The following FBXL13 variants were observed in gnomAD, a reference collection of about 807,000 sequenced individuals.
FBXL13 encodes F-box and leucine rich repeat protein 13.
FBXL13 carries 67 observed loss-of-function variants against 83.6 expected under a neutral mutation model. The ratio of observed to expected loss-of-function variants is 0.80; its 90% CI spans 0.66 to 0.98. The LOEUF is 0.98. Among genes scored for constraint, FBXL13 ranks in the 50% least tolerant of loss-of-function variants. The pLI, the probability that FBXL13 is intolerant of heterozygous loss-of-function variation, is 0.00. For synonymous variants in FBXL13, 272 were observed against 299.5 expected, an observed-to-expected ratio of 0.91 and a Z score of 0.95; for missense variants, 822 against 866.5, an observed-to-expected ratio of 0.95 and a Z score of 0.64.
At chr7:103,003,277 G>GT (rs1239422520) in intron 6 of FBXL13, among the ~76,000 whole-genome samples, 2 of 119,480 alleles carry the variant, frequency 1.7e-5, no homozygotes, top group Admixed American at 8.4e-5. Flanking sequence ...GTTGTTTTGG[G>GT]GTTTTTTTTT....
intron 16 of FBXL13, among the ~76,000 whole-genome samples, chr7:102,861,111 C>T (rs187718802): frequency 3.2e-4 from 48 of 151,940 alleles, no homozygotes; most frequent in African/African-American, 1.1e-3. Flanking sequence ...TTAGGAATAA[C>T]GACATTTTCC....
intron 19 of FBXL13, among the ~76,000 whole-genome samples, chr7:102,819,297 G>A (rs1798468731): frequency 6.6e-6 from 1 of 151,954 alleles, no homozygotes; most frequent in African/African-American, 2.4e-5. Context: ...ATTCCTCCTT[G>A]AAATAAAGGA....
chr7:102,815,575 T>C (rs572622226), intron 19 of FBXL13, among the ~76,000 whole-genome samples: 1 of 152,270 alleles, frequency 6.6e-6, no homozygotes, highest in African/African-American at 2.4e-5. Context: ...TTCATAATCA[T>C]TCAATGCCAC....
At chr7:102,908,459 T>C (rs370768305) in intron 11 of FBXL13, among the ~76,000 whole-genome samples, 6 of 152,242 alleles carry the variant, frequency 3.9e-5, no homozygotes, top group East Asian at 1.9e-4. Context: ...CTGGATGGTA[T>C]TGATGCCAGT....
At chr7:103,024,528 C>CAAAAA (rs11318355) in intron 6 of FBXL13, among the ~76,000 whole-genome samples, 2 of 46,766 alleles carry the variant, frequency 4.3e-5, no homozygotes, top group Admixed American at 3.3e-4. Flanking sequence ...AACTCCATCT[C>CAAAAA]AAAAAAAAAA....
At chr7:103,058,614 T>C (rs1797566408) in intron 1 of FBXL13, among the ~76,000 whole-genome samples, 2 of 152,216 alleles carry the variant, frequency 1.3e-5, no homozygotes. Flanking sequence ...CATCTTATTC[T>C]GGCACCCTGA....
intron 2 of FBXL13, among the ~76,000 whole-genome samples, chr7:103,041,733 C>A (rs1465797659): frequency 6.6e-6 from 1 of 152,180 alleles, no homozygotes; most frequent in Non-Finnish European, 1.5e-5. Flanking sequence ...ACATGATTAT[C>A]TCAATAGATG....
At chr7:102,841,181 C>A (rs1229566338) in intron 17 of FBXL13, among the ~76,000 whole-genome samples, 1 of 150,966 alleles carries the variant, frequency 6.6e-6, no homozygotes, top group Non-Finnish European at 1.5e-5. Context: ...GTTTAAAAAA[C>A]AAAAGAAGCA....
chr7:102,821,733 G>A (rs79633822), intron 19 of FBXL13, among the ~76,000 whole-genome samples: 2,282 of 152,222 alleles, frequency 0.015, 51 homozygotes, highest in African/African-American at 0.051. Context: ...ATGCTCTAGG[G>A]GAGATTAACT....
intron 17 of FBXL13, among the ~76,000 whole-genome samples, chr7:102,854,019 G>A (rs958704685): frequency 3.9e-5 from 6 of 152,108 alleles, no homozygotes; most frequent in African/African-American, 1.4e-4. Flanking sequence ...TCCCATTACT[G>A]GGTATATACC....
chr7:102,943,210 T>TCA (rs1245245885), intron 8 of FBXL13, among the ~76,000 whole-genome samples: 1 of 152,308 alleles, frequency 6.6e-6, no homozygotes, highest in East Asian at 1.9e-4. Context: ...GTGTTACTGA[T>TCA]ATCCCAGGAA....
chr7:103,058,294 T>C (rs1489627078), intron 1 of FBXL13, among the ~76,000 whole-genome samples: 2 of 152,184 alleles, frequency 1.3e-5, no homozygotes, highest in Non-Finnish European at 2.9e-5. Context: ...TGCTTACAAG[T>C]GCTCAGCCAC....
Position 103,025,048 on chromosome 7 carries a change from T to A in FBXL13, c.495+15A>T. 3.1e-6 allele frequency: 5 copies of A among 1,595,426 alleles called. No homozygotes were observed. Among genetic ancestry groups the A allele is most frequent in the Non-Finnish European group, 4.3e-6 (5 of 1,168,936 alleles). On this transcript the variant is annotated intron_variant, in intron 6 of 19. Coordinates refer to ENST00000313221, the Ensembl canonical transcript of FBXL13. Reference sequence around the variant, plus strand: ...GCAGATTATAGTATATAATGTATACTGAATTCATACAAACCTGTAATATTG... The same window carrying A: ...GCAGATTATAGTATATAATGTATACAGAATTCATACAAACCTGTAATATTG...
At chr7:102,827,089 A>C in intron 18 of FBXL13, 1 of 445,872 alleles carries the variant, frequency 2.2e-6, no homozygotes, top group Non-Finnish European at 4.6e-6. Flanking sequence ...GCTTTGACCA[A>C]AGGAATGGAG....
exon 12 of FBXL13, chr7:102,884,252 T>A: frequency 6.2e-7 from 1 of 1,613,886 alleles, no homozygotes; most frequent in Non-Finnish European, 8.5e-7. Flanking sequence ...ATGTCATTAA[T>A]GGTAAGATGC....
At chr7:102,855,348 G>T (rs1269296152) in intron 16 of FBXL13, among the ~76,000 whole-genome samples, 2 of 152,160 alleles carry the variant, frequency 1.3e-5, no homozygotes, top group African/African-American at 4.8e-5. Flanking sequence ...CCTAGAGACA[G>T]ATAATCATTC....
chr7:103,064,742 G>C (rs1019978697), intron 1 of FBXL13, among the ~76,000 whole-genome samples: 8 of 152,114 alleles, frequency 5.3e-5, no homozygotes, highest in Non-Finnish European at 8.8e-5. Flanking sequence ...AAATAATGTT[G>C]ACTTCCAAAT....
At chr7:103,043,525 C>G (rs1021164693) in intron 2 of FBXL13, among the ~76,000 whole-genome samples, 1 of 152,152 alleles carries the variant, frequency 6.6e-6, no homozygotes, top group African/African-American at 2.4e-5. Flanking sequence ...CACATGCACA[C>G]GTATGTTTAT....
At chr7:102,889,539 C>A (rs1335359943) in intron 11 of FBXL13, among the ~76,000 whole-genome samples, 1 of 152,144 alleles carries the variant, frequency 6.6e-6, no homozygotes, top group Non-Finnish European at 1.5e-5. Context: ...TTAGGTATTT[C>A]TCCTAATGCT....
Sources: gnomAD v4.1 joint callset for allele counts (sites outside exome capture counted in the v4.1 genomes callset) on GRCh38, gnomAD v4.1.1 for gene constraint, MANE v1.5 for transcripts, NCBI Gene and HGNC (gene_info 2026-07-23, HGNC 2026-07-21) for gene names.